NAALADL2: variants seen among roughly 807,000 people sequenced by gnomAD.
The protein encoded by NAALADL2 is inactive N-acetylated-alpha-linked acidic dipeptidase-like protein 2.
In NAALADL2, 76 loss-of-function variants were observed where a neutral mutation model predicts 87.2. That is an observed-to-expected ratio of 0.87 (90% confidence interval 0.72 to 1.05). The LOEUF (loss-of-function observed/expected upper bound fraction) is 1.05, where lower values mean the gene tolerates loss of function less well. NAALADL2 is among the 50% of genes least tolerant of loss of function. The pLI, the probability that NAALADL2 is intolerant of heterozygous loss-of-function variation, is 0.00. For synonymous variants in NAALADL2, 354 were observed against 331.0 expected, an observed-to-expected ratio of 1.07 and a Z score of -0.75; for missense variants, 1,089 against 945.8, an observed-to-expected ratio of 1.15 and a Z score of -1.99.
At chr3:175,547,696 C>T (rs948921316) in intron 9 of NAALADL2, among the ~76,000 whole-genome samples, 1 of 152,000 alleles carries the variant, frequency 6.6e-6, no homozygotes, top group Non-Finnish European at 1.5e-5. Flanking sequence ...CTATAAGGAA[C>T]TTAAACAAAT....
chr3:175,772,649 G>A (rs997626840), intron 13 of NAALADL2, among the ~76,000 whole-genome samples: 1 of 152,150 alleles, frequency 6.6e-6, no homozygotes, highest in African/African-American at 2.4e-5. Flanking sequence ...AGTTACACAG[G>A]GTTCCGTCTT....
chr3:175,177,811 T>C (rs1735900736), intron 2 of NAALADL2, among the ~76,000 whole-genome samples: 1 of 150,224 alleles, frequency 6.7e-6, no homozygotes, highest in African/African-American at 2.4e-5. Flanking sequence ...ATAAGTGAGG[T>C]GATTTGCCCA....
chr3:175,620,793 G>A (rs533521338), intron 10 of NAALADL2, among the ~76,000 whole-genome samples: 1 of 152,170 alleles, frequency 6.6e-6, no homozygotes, highest in Non-Finnish European at 1.5e-5. Context: ...GCAGGTTACA[G>A]GTTCTTGTCC....
At chr3:175,433,173 C>A (rs1718050535) in intron 5 of NAALADL2, among the ~76,000 whole-genome samples, 1 of 152,048 alleles carries the variant, frequency 6.6e-6, no homozygotes, top group South Asian at 2.1e-4. Flanking sequence ...CAGACAGGAA[C>A]CTGTTCTTGC....
chr3:174,532,909 T>G (rs1721371781), intron 1 of NAALADL2, among the ~76,000 whole-genome samples: 1 of 151,936 alleles, frequency 6.6e-6, no homozygotes, highest in Non-Finnish European at 1.5e-5. Context: ...TCTTTTATTC[T>G]TTAATTCATA....
At chr3:174,441,481 G>C (rs775155222) in intron 1 of NAALADL2, among the ~76,000 whole-genome samples, 12 of 152,138 alleles carry the variant, frequency 7.9e-5, no homozygotes, top group Admixed American at 2.0e-4. Flanking sequence ...GGTAAAGAGC[G>C]GCGCCGCGGG....
Position 175,188,514 on chromosome 3 carries a change from A to G in NAALADL2, c.546-45417A>G, listed in dbSNP as rs1737671803. On this transcript the variant is annotated intron_variant, in intron 2 of 13. Transcript: ENST00000454872. ...CATGTAGCTGCACCTTCTGGGGCCA[A>G]GCTAATGTAGTTTCCTATGTCCCAG... Among the ~76,000 whole-genome samples the G allele has an allele frequency of 2.0e-5, 3 of 152,112 alleles. No homozygotes were observed. The South Asian group carries it at 6.2e-4, about 32-fold the overall frequency.
intron 2 of NAALADL2, among the ~76,000 whole-genome samples, chr3:174,697,276 G>A (rs1357104796): frequency 2.6e-5 from 4 of 152,076 alleles, no homozygotes; most frequent in African/African-American, 9.7e-5. Context: ...TTAGAAAGAT[G>A]ATCAAAAAAC....
chr3:175,074,792 G>T (rs1459062119), intron 1 of NAALADL2, among the ~76,000 whole-genome samples: 1 of 151,960 alleles, frequency 6.6e-6, no homozygotes, highest in African/African-American at 2.4e-5. Context: ...CTGATGATCA[G>T]TGGTGCTAGG....
intron 2 of NAALADL2, among the ~76,000 whole-genome samples, chr3:174,579,137 T>C (rs1715875645): frequency 6.6e-6 from 1 of 151,976 alleles, no homozygotes; most frequent in Non-Finnish European, 1.5e-5. Flanking sequence ...GTACAATTAC[T>C]TTCAAAAAAG....
intron 4 of NAALADL2, among the ~76,000 whole-genome samples, chr3:175,305,351 C>T (rs1218554061): frequency 6.6e-6 from 1 of 151,648 alleles, no homozygotes; most frequent in African/African-American, 2.4e-5. Context: ...TGTTAAATTC[C>T]TGTATGTTCT....
At chr3:175,645,221 C>T (rs1294904619) in intron 11 of NAALADL2, among the ~76,000 whole-genome samples, 2 of 151,800 alleles carry the variant, frequency 1.3e-5, no homozygotes, top group Admixed American at 6.6e-5. Context: ...TATATTTTCT[C>T]AGTGTTTCAC....
chr3:174,577,170 T>A (rs1172926609), intron 2 of NAALADL2, among the ~76,000 whole-genome samples: 1 of 152,110 alleles, frequency 6.6e-6, no homozygotes, highest in Non-Finnish European at 1.5e-5. Context: ...ATATAACACA[T>A]TTGATGCAAA....
At chr3:174,452,396 AGCACCCTGCT>A (rs1396217412) in intron 1 of NAALADL2, among the ~76,000 whole-genome samples, 1 of 152,134 alleles carries the variant, frequency 6.6e-6, no homozygotes, top group Admixed American at 6.5e-5. Flanking sequence ...GGCACCTGCT[AGCACCCTGCT>A]GCACCTAACA....
At chr3:175,322,304 G>A (rs1411993457) in intron 4 of NAALADL2, among the ~76,000 whole-genome samples, 1 of 139,752 alleles carries the variant, frequency 7.2e-6, no homozygotes, top group African/African-American at 2.8e-5. Context: ...GCTGAAACTG[G>A]ATCCCTTCCT....
intron 2 of NAALADL2, among the ~76,000 whole-genome samples, chr3:174,711,216 G>A (rs532564634): frequency 6.6e-6 from 1 of 152,152 alleles, no homozygotes; most frequent in South Asian, 2.1e-4. Context: ...AAGTCACCTT[G>A]ATGATTCAGA....
intron 2 of NAALADL2, among the ~76,000 whole-genome samples, chr3:174,625,475 A>AT (rs148873660): frequency 2.0e-5 from 3 of 151,816 alleles, no homozygotes; most frequent in East Asian, 3.9e-4. Flanking sequence ...AAAATTTGGC[A>AT]TTTTTTTCTT....
chr3:175,081,142 A>G (rs1187333274), intron 1 of NAALADL2: 2 of 152,200 alleles, frequency 1.3e-5, no homozygotes, highest in Non-Finnish European at 2.9e-5. Flanking sequence ...TTTTCCAGTA[A>G]GCATTCAAAA....
chr3:174,692,644 A>G (rs1728681494), intron 2 of NAALADL2, among the ~76,000 whole-genome samples: 1 of 152,246 alleles, frequency 6.6e-6, no homozygotes, highest in Non-Finnish European at 1.5e-5. Flanking sequence ...CCAAAAAAGA[A>G]TGTTCGGAAA....
Sources: gnomAD v4.1 joint callset for allele counts (sites outside exome capture counted in the v4.1 genomes callset) on GRCh38, gnomAD v4.1.1 for gene constraint, MANE v1.5 for transcripts, NCBI Gene and HGNC (gene_info 2026-07-23, HGNC 2026-07-21) for gene names.